CDK14: variants seen among roughly 807,000 people sequenced by gnomAD.
CDK14 encodes cyclin dependent kinase 14, also known as cyclin-dependent kinase 14.
In CDK14, 34 loss-of-function variants were observed where a neutral mutation model predicts 60.7. The observed-to-expected ratio is 0.56, with a 90% CI of 0.43 to 0.75. CDK14 has a LOEUF of 0.75. CDK14 is among the 30% of genes least tolerant of loss of function. The pLI is 0.00. For synonymous variants in CDK14, 197 were observed against 203.7 expected, an observed-to-expected ratio of 0.97 and a Z score of 0.28; for missense variants, 482 against 564.1, an observed-to-expected ratio of 0.85 and a Z score of 1.47.
rs1193898143 is a variant in CDK14 at position 91,207,741 on chromosome 7, T to C, written c.*605T>C. The stretch of plus-strand genomic sequence containing the variant: ...GGTAATTTTGCAAATGTGGTTTTTT[T>C]ACTTGGAAATAACTGCACATTTATA... On this transcript the variant is annotated 3_prime_UTR_variant, in exon 15 of 15. Coordinates refer to ENST00000380050, the MANE Select transcript of CDK14 (RefSeq NM_001287135.2). The C allele has an allele frequency of 6.5e-6, 1 of 152,704 alleles. No homozygotes were observed. Among genetic ancestry groups the C allele is most frequent in the Non-Finnish European group, 1.5e-5 (1 of 68,052 alleles). The allele number at this position is 152,704 out of a possible 1,614,324, so 9.5% of individuals were successfully genotyped here.
intron 5 of CDK14, 76 bp from the exon 6 acceptor site, chr7:90,863,099 T>C (rs1314287241): frequency 2.1e-5 from 15 of 718,048 alleles, no homozygotes; most frequent in Non-Finnish European, 7.1e-6. Flanking sequence ...TCTGACAGTG[T>C]GCCAAAATTA....
chr7:90,907,693 AT>A (rs754442974), intron 7 of CDK14, among the ~76,000 whole-genome samples: 4 of 152,108 alleles, frequency 2.6e-5, no homozygotes, highest in African/African-American at 4.8e-5. Flanking sequence ...CCGCAATCCT[AT>A]TGGCATAAAG....
intron 12 of CDK14, among the ~76,000 whole-genome samples, chr7:91,094,435 G>A (rs1798922330): frequency 2.0e-5 from 3 of 152,128 alleles, no homozygotes. Flanking sequence ...TGGTAATAGT[G>A]CAGTATGAAG....
chr7:90,938,788 A>G (rs1169511055), intron 8 of CDK14, among the ~76,000 whole-genome samples: 4 of 152,178 alleles, frequency 2.6e-5, no homozygotes, highest in African/African-American at 9.7e-5. Context: ...TAAAAATTCC[A>G]TGTGTGTTTG....
intron 6 of CDK14, among the ~76,000 whole-genome samples, chr7:90,878,528 G>A (rs73403539): frequency 0.021 from 3,206 of 151,774 alleles, 126 homozygotes; most frequent in African/African-American, 0.073. Context: ...CAGACATACT[G>A]TACATCAGCC....
At position 91,208,181 on chromosome 7, in the gene CDK14, G is replaced by A. The variant is rs1802960544; in HGVS notation, c.*1045G>A. 6.6e-6 allele frequency: 1 copy of A among 152,554 alleles called. No homozygotes were observed. The highest frequency in any genetic ancestry group is 1.5e-5 in the Non-Finnish European group (1 of 68,030). 9.5% of individuals were successfully genotyped at this position (152,554 alleles called of 1,614,324 possible). On this transcript the variant is annotated 3_prime_UTR_variant, in exon 15 of 15. Transcript: ENST00000380050. ...TTTAAAAAAACATTCCAAGCCAATT[G>A]GAAGACATCATTGGGTTCTTACTTT... is the stretch of plus-strand genomic sequence containing the variant.
intron 10 of CDK14, among the ~76,000 whole-genome samples, chr7:90,993,727 G>A (rs1054250114): frequency 6.6e-6 from 1 of 152,204 alleles, no homozygotes; most frequent in Middle Eastern, 3.2e-3. Context: ...GATATGATAG[G>A]AAATAGTTGC....
intron 14 of CDK14, among the ~76,000 whole-genome samples, chr7:91,143,526 A>G (rs1201659825): frequency 6.6e-6 from 1 of 152,044 alleles, no homozygotes. Flanking sequence ...GTTTGAGTCC[A>G]GCCTAGGCAA....
chr7:91,001,268 T>C (rs1795826011), intron 10 of CDK14, among the ~76,000 whole-genome samples: 1 of 152,202 alleles, frequency 6.6e-6, no homozygotes, highest in Admixed American at 6.5e-5. Context: ...TAGTAAGAAT[T>C]TGAAGACATA....
intron 14 of CDK14, 103 bp downstream of exon 14, chr7:91,118,311 G>A (rs1211436600): frequency 5.1e-6 from 3 of 590,572 alleles, no homozygotes; most frequent in East Asian, 5.6e-5. Flanking sequence ...TATCCTATGA[G>A]TCTCTTGTGT....
intron 14 of CDK14, among the ~76,000 whole-genome samples, chr7:91,123,797 G>A (rs543454191): frequency 6.6e-6 from 1 of 152,192 alleles, no homozygotes; most frequent in East Asian, 1.9e-4. Context: ...GCAAGTGTAG[G>A]CAGAGGACTC....
intron 10 of CDK14, among the ~76,000 whole-genome samples, chr7:91,028,350 A>G (rs1265465306): frequency 6.6e-6 from 1 of 151,890 alleles, no homozygotes; most frequent in Non-Finnish European, 1.5e-5. Context: ...TTGATTCTGT[A>G]TTTTTCCATA....
intron 4 of CDK14, among the ~76,000 whole-genome samples, chr7:90,748,464 A>G (rs1296969563): frequency 6.6e-6 from 1 of 152,222 alleles, no homozygotes; most frequent in East Asian, 1.9e-4. Context: ...ACTTAATGCA[A>G]TCTCTGCAAC....
At chr7:90,704,356 A>G (rs1801850703) in intron 2 of CDK14, among the ~76,000 whole-genome samples, 1 of 152,224 alleles carries the variant, frequency 6.6e-6, no homozygotes, top group Non-Finnish European at 1.5e-5. Flanking sequence ...GGATCAGCAC[A>G]GGATTTATCT....
intron 11 of CDK14, among the ~76,000 whole-genome samples, chr7:91,061,906 A>T (rs1797805557): frequency 6.6e-6 from 1 of 152,178 alleles, no homozygotes; most frequent in Non-Finnish European, 1.5e-5. Context: ...AGGCTGAGAG[A>T]ACCACTACTC....
chr7:90,725,060 G>A (rs1335721227), intron 2 of CDK14, among the ~76,000 whole-genome samples: 2 of 152,126 alleles, frequency 1.3e-5, no homozygotes, highest in African/African-American at 4.8e-5. Flanking sequence ...AATTCAGCCT[G>A]TGCTTAGTAG....
chr7:90,947,685 CT>C (rs1794140249), intron 8 of CDK14, among the ~76,000 whole-genome samples: 1 of 151,776 alleles, frequency 6.6e-6, no homozygotes, highest in Non-Finnish European at 1.5e-5. Context: ...CCTCCTACTA[CT>C]TAAAAAAGAA....
intron 14 of CDK14, among the ~76,000 whole-genome samples, chr7:91,177,630 A>G (rs1363161401): frequency 1.3e-5 from 2 of 151,948 alleles, no homozygotes; most frequent in Non-Finnish European, 2.9e-5. Context: ...TACAAAATCA[A>G]CGTACAAAAA....
intron 5 of CDK14, among the ~76,000 whole-genome samples, chr7:90,819,950 C>T (rs1412748399): frequency 6.6e-6 from 1 of 152,102 alleles, no homozygotes; most frequent in Non-Finnish European, 1.5e-5. Context: ...TCCTTAACAT[C>T]ATTTTGTCAT....
Sources: gnomAD v4.1 joint callset for allele counts (sites outside exome capture counted in the v4.1 genomes callset) on GRCh38, gnomAD v4.1.1 for gene constraint, MANE v1.5 for transcripts, NCBI Gene and HGNC (gene_info 2026-07-23, HGNC 2026-07-21) for gene names.